The following CYP24A1 variants were observed in gnomAD, a reference collection of about 807,000 sequenced individuals.
The protein encoded by CYP24A1 is 1,25-dihydroxyvitamin D(3) 24-hydroxylase, mitochondrial.
CYP24A1 carries 68 observed loss-of-function variants against 62.4 expected under a neutral mutation model. The observed-to-expected ratio is 1.09, with a 90% confidence interval of 0.90 to 1.33. The LOEUF (loss-of-function observed/expected upper bound fraction) is 1.33, where lower values mean the gene tolerates loss of function less well. Among genes scored for constraint, CYP24A1 ranks in the 40% most tolerant of loss-of-function variants. The pLI, the probability that CYP24A1 is intolerant of heterozygous loss-of-function variation, is 0.00. For missense variants in CYP24A1, 787 were observed against 653.0 expected, an observed-to-expected ratio of 1.21 and a Z score of -2.24; for synonymous variants, 267 against 253.0, an observed-to-expected ratio of 1.06 and a Z score of -0.52.
In CYP24A1 at chr20:54,157,540, T is replaced by C. The variant is rs368194785; in HGVS notation, c.1282A>G (p.Asn428Asp). Residue 428 changes from asparagine (N) to aspartate (D), a missense_variant, in exon 10 of 12, where the codon AAT (asparagine) becomes GAT (aspartate). Coordinates refer to ENST00000216862, the MANE Select transcript of CYP24A1 (RefSeq NM_000782.5). Reference sequence around the variant, plus strand: ...CTAAACTGACTTGAATCTTCAAAATTGTCTTCACTGGATCCCAACACCTGG... The same window carrying C: ...CTAAACTGACTTGAATCTTCAAAATCGTCTTCACTGGATCCCAACACCTGG... Reference protein sequence around the residue: ...NTQVLGSSEDNFEDSSQFRPE... With the variant: ...NTQVLGSSEDDFEDSSQFRPE... The C allele has an allele frequency of 1.9e-6, 3 of 1,605,356 alleles. No individual in the cohort carries two copies. Among genetic ancestry groups the C allele is most frequent in the African/African-American group, 1.3e-5 (1 of 74,744 alleles).
intron 7 of CYP24A1, among the ~76,000 whole-genome samples, chr20:54,161,389 A>G (rs1254102245): frequency 6.6e-6 from 1 of 151,942 alleles, no homozygotes; most frequent in Non-Finnish European, 1.5e-5. Context: ...CCACACCACT[A>G]TCTAAAGTGA....
Position 54,173,309 on chromosome 20 carries a change from A to T in CYP24A1, c.258+13T>A. 1 of 1,605,984 alleles carries T rather than the reference A, an allele frequency of 6.2e-7. No homozygotes were observed. The highest frequency in any genetic ancestry group is 8.5e-7 in the Non-Finnish European group (1 of 1,174,328). On this transcript the variant is annotated intron_variant, in intron 1 of 11. Transcript: ENST00000216862. This position sits in a 1 kb window ranked among gnomAD's most constrained non-coding sequence, Gnocchi z 7.2. ...GAGGGAGGAGAGAGTCAGGGGCGCGAAAAGGGGTTTACCAGGGTGTCGTGC... is the reference window on the plus strand; with the variant it reads ...GAGGGAGGAGAGAGTCAGGGGCGCGTAAAGGGGTTTACCAGGGTGTCGTGC...
At chr20:54,149,073 C>G (rs2092608755), downstream of CYP24A1, among the ~76,000 whole-genome samples, 1 of 152,146 alleles carries the variant, frequency 6.6e-6, no homozygotes, top group Non-Finnish European at 1.5e-5. Flanking sequence ...TTGGTTTGCC[C>G]CTGTACCCAT....
chr20:54,173,618 TG>T lies in CYP24A1; in HGVS notation c.-40del. On this transcript the variant is annotated 5_prime_UTR_variant, in exon 1 of 12. Coordinates refer to ENST00000216862, the MANE Select transcript of CYP24A1 (RefSeq NM_000782.5). This position sits in a 1 kb window ranked among gnomAD's most constrained non-coding sequence, Gnocchi z 7.2. The stretch of plus-strand genomic sequence containing the variant: ...ACCGGAGCGCGGGAAGGCAGGAGGA[TG>T]GGGTGGGGCGAGGTTGGTACGAGGT... 2 of 1,506,368 alleles carry T rather than the reference TG, an allele frequency of 1.3e-6. No homozygotes were observed. The highest frequency in any genetic ancestry group is 9.0e-7 in the Non-Finnish European group (1 of 1,114,730). 93.3% of individuals were successfully genotyped at this position (1,506,368 alleles called of 1,614,324 possible).
At chr20:54,165,392 C>T (rs2092667879) in intron 5 of CYP24A1, among the ~76,000 whole-genome samples, 1 of 152,212 alleles carries the variant, frequency 6.6e-6, no homozygotes, top group South Asian at 2.1e-4. Context: ...AAAACAAGCT[C>T]AGGGCTCCCA....
In CYP24A1 at chr20:54,173,475, G is replaced by A; in HGVS notation, c.105C>T (p.Ser35=). ...AGACTGGCACCTCTCGCGGCTGAGG[G>A]GACGTGTACGCCGTAGATGTCACCA... The part of the protein sequence containing the change: ...PRLVTSTAYT[S]PQPREVPVCP... The change falls in exon 1 of 12, where the codon TCC becomes TCT. Residue 35 remains serine, a synonymous_variant. Transcript: ENST00000216862. The surrounding 1 kb of genome is among the most constrained non-coding windows in gnomAD (Gnocchi z 7.2). 6.4e-7 allele frequency: 1 copy of A among 1,565,892 alleles called. No individual in the cohort carries two copies. The highest frequency in any genetic ancestry group is 1.2e-5 in the South Asian group (1 of 85,440).
chr20:54,171,437 G>A (rs2092693417), intron 3 of CYP24A1, 140 bp downstream of exon 3: 1 of 1,532,888 alleles, frequency 6.5e-7, no homozygotes, highest in Admixed American at 1.7e-5. Flanking sequence ...AGGAAGGAAT[G>A]GAGAGAAAGA....
the CYP24A1 span, among the ~76,000 whole-genome samples, chr20:54,145,709 G>C: frequency 6.6e-6 from 1 of 150,538 alleles, no homozygotes; most frequent in Non-Finnish European, 1.5e-5. Context: ...CAACACAATT[G>C]CCTGCTTCAT....
At position 54,165,807 on chromosome 20, in the gene CYP24A1, T is replaced by G. The variant is rs367995295; in HGVS notation, c.667A>C (p.Arg223=). ...GCATTCTTCTGGAGAAGCCCAAATCTCTTCTCATACAACACGAGGCAGATA... is the reference window on the plus strand; with the variant it reads ...GCATTCTTCTGGAGAAGCCCAAATCGCTTCTCATACAACACGAGGCAGATA... The part of the protein sequence containing the change: ...ESICLVLYEK[R]FGLLQKNAGD... Residue 223 remains arginine (R), a synonymous_variant, in exon 5 of 12, where the codon AGA becomes CGA. Transcript: ENST00000216862. The G allele has an allele frequency of 6.7e-7, 1 of 1,498,326 alleles. No individual in the cohort carries two copies. Among genetic ancestry groups the G allele is most frequent in the East Asian group, 2.3e-5 (1 of 44,378 alleles). 92.8% of individuals were successfully genotyped at this position (1,498,326 alleles called of 1,614,324 possible). A position where few individuals can be genotyped will look rare whatever the true frequency, so the allele number is the denominator to read the frequency against.
intron 7 of CYP24A1, among the ~76,000 whole-genome samples, chr20:54,161,759 G>A (rs1449780164): frequency 1.3e-5 from 2 of 152,154 alleles, no homozygotes; most frequent in African/African-American, 2.4e-5. Context: ...GAAAGTGAGC[G>A]AGGATGGATT....
At chr20:54,163,007 A>T in intron 6 of CYP24A1, 145 bp from the exon 7 acceptor site, 1 of 699,644 alleles carries the variant, frequency 1.4e-6, no homozygotes, top group Non-Finnish European at 2.6e-6. Context: ...CACACTAATT[A>T]TATTATTGCC....
rs10689729 is a variant in CYP24A1 at position 54,159,397 on chromosome 20, G to GTTTT, written c.991-278_991-275dup. 0.071 allele frequency among the ~76,000 whole-genome samples: 9,898 copies of GTTTT among 139,984 alleles called. 597 individuals carry two copies. The highest frequency in any genetic ancestry group is 0.28 in the East Asian group (1,299 of 4,704). The allele number at this position is 139,984 out of a possible 152,430, so 91.8% of individuals were successfully genotyped here. A position where few individuals can be genotyped will look rare whatever the true frequency, so the allele number is the denominator to read the frequency against. On this transcript the variant is annotated intron_variant, in intron 7 of 11. Coordinates refer to ENST00000216862, the MANE Select transcript of CYP24A1 (RefSeq NM_000782.5). The stretch of plus-strand genomic sequence containing the variant: ...AGCTGCTTTAGAACATTTAAATACA[G>GTTTT]TTTTTTTTTTTTTTTGAGATGGAGT...
At chr20:54,149,569 G>C (rs576599624), downstream of CYP24A1, among the ~76,000 whole-genome samples, 2 of 152,258 alleles carry the variant, frequency 1.3e-5, no homozygotes, top group South Asian at 2.1e-4. Flanking sequence ...GAAATGGAGA[G>C]ATCAAAGGAA....
Position 54,173,875 on chromosome 20 carries a change from C to T in CYP24A1, c.-296G>A, listed in dbSNP as rs374414065. The T allele has an allele frequency of 5.9e-6, 3 of 506,936 alleles. No homozygotes were observed. Among genetic ancestry groups the T allele is most frequent in the East Asian group, 3.4e-5 (1 of 29,156 alleles). The allele number at this position is 506,936 out of a possible 1,614,324, so 31.4% of individuals were successfully genotyped here. On this transcript the variant is annotated 5_prime_UTR_variant, in exon 1 of 12. Coordinates refer to ENST00000216862, the MANE Select transcript of CYP24A1 (RefSeq NM_000782.5). The surrounding 1 kb of genome is among the most constrained non-coding windows in gnomAD (Gnocchi z 7.2). Reference sequence around the variant, plus strand: ...TCTTGAAAAGGGAAAGCTGGGAGTCCTCCTGTTGGTCCGCAAGGCTGACCT... The same window carrying T: ...TCTTGAAAAGGGAAAGCTGGGAGTCTTCCTGTTGGTCCGCAAGGCTGACCT...
intron 5 of CYP24A1, 98 bp from the exon 6 acceptor site, chr20:54,164,661 A>C (rs1411658462): frequency 6.9e-6 from 11 of 1,601,162 alleles, no homozygotes; most frequent in Non-Finnish European, 9.4e-6. Context: ...AGCACCCTGC[A>C]CTTTTTAAAA....
rs2146514628 is a variant in CYP24A1, at chr20:54,173,175, T to C, written c.259-76A>G. ...CCGAAGCGCTTTCCCTCCTCCCGCC[T>C]CCTTCCTCCTAGGGGACCGGGGACC... is the stretch of plus-strand genomic sequence containing the variant. On this transcript the variant is annotated intron_variant, in intron 1 of 11. Coordinates refer to ENST00000216862, the MANE Select transcript of CYP24A1 (RefSeq NM_000782.5). The surrounding 1 kb of genome is among the most constrained non-coding windows in gnomAD (Gnocchi z 7.2). 1.3e-6 allele frequency: 2 copies of C among 1,557,772 alleles called. No individual in the cohort carries two copies. Among genetic ancestry groups the C allele is most frequent in the Non-Finnish European group, 1.8e-6 (2 of 1,140,406 alleles).
intron 4 of CYP24A1, among the ~76,000 whole-genome samples, chr20:54,169,004 C>T (rs2092684448): frequency 6.6e-6 from 1 of 151,866 alleles, no homozygotes; most frequent in Non-Finnish European, 1.5e-5. Flanking sequence ...GTCAAGCAAT[C>T]CTCCCACCTC....
intron 11 of CYP24A1, among the ~76,000 whole-genome samples, chr20:54,155,664 G>A (rs2092625048): frequency 6.6e-6 from 1 of 150,928 alleles, no homozygotes. Flanking sequence ...ATGAACCCAG[G>A]AGGCGGAGGT....
intron 11 of CYP24A1, among the ~76,000 whole-genome samples, chr20:54,156,911 T>C (rs1390468995): frequency 6.6e-6 from 1 of 152,202 alleles, no homozygotes; most frequent in Non-Finnish European, 1.5e-5. Flanking sequence ...TAGCATTTAC[T>C]GAACACTTAA....
Sources: gnomAD v4.1 joint callset for allele counts (sites outside exome capture counted in the v4.1 genomes callset) on GRCh38, gnomAD v4.1.1 for gene constraint, Gnocchi (gnomAD v3.1) non-coding constraint, MANE v1.5 for transcripts, NCBI Gene and HGNC (gene_info 2026-07-23, HGNC 2026-07-21) for gene names.